FCGRT: variants seen among roughly 807,000 people sequenced by gnomAD.
The protein encoded by FCGRT is Fc gamma receptor and transporter.
A neutral mutation model predicts 35.7 loss-of-function variants in FCGRT; 13 were observed. The observed-to-expected ratio is 0.36, with a 90% confidence interval of 0.24 to 0.58. The LOEUF (loss-of-function observed/expected upper bound fraction) is 0.58, where lower values mean the gene tolerates loss of function less well. FCGRT is among the 20% of genes least tolerant of loss of function. The pLI is 0.77. For synonymous variants in FCGRT, 233 were observed against 216.5 expected, an observed-to-expected ratio of 1.08 and a Z score of -0.67; for missense variants, 455 against 474.9, an observed-to-expected ratio of 0.96 and a Z score of 0.39.
chr19:49,522,797 A>T (rs1300871919), intron 4 of FCGRT, among the ~76,000 whole-genome samples: 34 of 40,972 alleles, frequency 8.3e-4, no homozygotes, highest in South Asian at 2.6e-3. Context: ...TTTTTTTTTG[A>T]GATGGAGTCT....
intron 4 of FCGRT, 72 bp downstream of exon 4, chr19:49,514,558 C>T (rs2079995648): frequency 7.2e-7 from 1 of 1,395,128 alleles, no homozygotes; most frequent in South Asian, 1.5e-5. Flanking sequence ...AGTTCCCCTG[C>T]CAGGACCCTC....
intron 5 of FCGRT, chr19:49,525,059 CTGCTG>C: frequency 1.7e-6 from 1 of 597,246 alleles, no homozygotes; most frequent in Non-Finnish European, 3.1e-6. Context: ...CCTGCTGCTG[CTGCTG>C]CTGCTGCTGC....
At chr19:49,513,764 T>G in intron 2 of FCGRT, 118 bp from the exon 3 acceptor site, 1 of 184,128 alleles carries the variant, frequency 5.4e-6, no homozygotes, top group Non-Finnish European at 9.4e-6. Context: ...TTCTGTCCCC[T>G]CTCTCTGAAT....
chr19:49,512,824 T>TG (rs924789509), intron 1 of FCGRT, 74 bp downstream of exon 1: 2 of 81,498 alleles, frequency 2.5e-5, no homozygotes, highest in Non-Finnish European at 4.9e-5. Flanking sequence ...GAGGAGTGGC[T>TG]GGGGGTCTCG....
chr19:49,522,693 A>C (rs1215225260), intron 4 of FCGRT, among the ~76,000 whole-genome samples: 1 of 150,400 alleles, frequency 6.6e-6, no homozygotes, highest in African/African-American at 2.4e-5. Flanking sequence ...CCACCCCCCA[A>C]AGCGCCAGGA....
intron 5 of FCGRT, 152 bp downstream of exon 5, chr19:49,524,928 C>G: frequency 1.2e-6 from 1 of 803,448 alleles, no homozygotes; most frequent in Admixed American, 2.0e-5. Context: ...GCCCCCAAAA[C>G]CTGATGGCTT....
intron 4 of FCGRT, among the ~76,000 whole-genome samples, chr19:49,523,618 T>C (rs2080055046): frequency 6.6e-6 from 1 of 151,468 alleles, no homozygotes; most frequent in Admixed American, 6.6e-5. Flanking sequence ...CCCAACACTT[T>C]GGGAGGCCCA....
intron 6 of FCGRT, among the ~76,000 whole-genome samples, chr19:49,525,793 T>G (rs1366351568): frequency 1.5e-4 from 17 of 114,100 alleles, no homozygotes; most frequent in Admixed American, 2.9e-4. Context: ...CAGAGAGAGG[T>G]GCGGACAGAG....
At chr19:49,517,912 T>TG (rs1601191550) in intron 4 of FCGRT, among the ~76,000 whole-genome samples, 1 of 152,044 alleles carries the variant, frequency 6.6e-6, no homozygotes, top group Non-Finnish European at 1.5e-5. Context: ...AGGCTGGTCT[T>TG]GAACTCCTGA....
At chr19:49,522,632 C>T (rs1164297300) in intron 4 of FCGRT, among the ~76,000 whole-genome samples, 1 of 151,102 alleles carries the variant, frequency 6.6e-6, no homozygotes, top group Non-Finnish European at 1.5e-5. Flanking sequence ...TGGGATTTCA[C>T]CATGTTGGTC....
In FCGRT at chr19:49,514,453, C is replaced by G; in HGVS notation, c.568C>G (p.Leu190Val). 6.4e-7 allele frequency: 1 copy of G among 1,566,964 alleles called. No individual in the cohort carries two copies. Among genetic ancestry groups the G allele is most frequent in the African/African-American group, 1.3e-5 (1 of 74,144 alleles). Reference protein sequence around the residue: ...FSCPHRLREHLERGRGNLEWK... With the variant: ...FSCPHRLREHVERGRGNLEWK... Reference sequence around the variant, plus strand: ...CTGCCCGCACCGCCTGCGGGAGCACCTGGAGAGGGGCCGCGGAAACCTGGA... The same window carrying G: ...CTGCCCGCACCGCCTGCGGGAGCACGTGGAGAGGGGCCGCGGAAACCTGGA... The change falls in exon 4 of 7, where the codon CTG (leucine) becomes GTG (valine). Residue 190 changes from leucine to valine, a missense_variant. Around this residue, in one of 3 missense-constraint regions of FCGRT, gnomAD observed 312 missense variants for 296.1 expected, o/e 1.05. Coordinates refer to ENST00000221466, the MANE Select transcript of FCGRT (RefSeq NM_001136019.3).
At chr19:49,524,834 C>T (rs1469023268) in intron 5 of FCGRT, 58 bp downstream of exon 5, 10 of 1,509,982 alleles carry the variant, frequency 6.6e-6, no homozygotes, top group African/African-American at 2.7e-5. Context: ...CTCACTGCTG[C>T]GCCGGTCCTT....
intron 4 of FCGRT, 54 bp from the exon 5 acceptor site, chr19:49,524,453 G>A (rs567746036): frequency 6.0e-5 from 94 of 1,568,172 alleles, no homozygotes; most frequent in Admixed American, 3.5e-4. Flanking sequence ...ATCCAGCCCT[G>A]GCTCTGGGAG....
rs754165228 is a variant in FCGRT at position 49,526,138 on chromosome 19, G to C, written c.*19G>C. 2.0e-6 allele frequency: 3 copies of C among 1,514,594 alleles called. No individual in the cohort carries two copies. The East Asian group carries it at 6.8e-5, about 34-fold the overall frequency. The allele number at this position is 1,514,594 out of a possible 1,614,324, so 93.8% of individuals were successfully genotyped here. On this transcript the variant is annotated 3_prime_UTR_variant, in exon 7 of 7. Transcript: ENST00000221466. ...CGCCTGACCATCCGCCATTCCGACT[G>C]CTAAAAGCGAATGTAGTCAGGCCCC...
chr19:49,514,997 CTTT>C (rs1176536865), intron 4 of FCGRT, among the ~76,000 whole-genome samples: 2 of 141,408 alleles, frequency 1.4e-5, no homozygotes, highest in Admixed American at 7.1e-5. Context: ...TGGCTCCCCC[CTTT>C]TTTTTTTTTT....
At chr19:49,524,392 G>A (rs1249660798) in intron 4 of FCGRT, 115 bp from the exon 5 acceptor site, 1 of 1,173,758 alleles carries the variant, frequency 8.5e-7, no homozygotes, top group East Asian at 2.4e-5. Context: ...TTTTACCACT[G>A]TATTATCTGC....
intron 4 of FCGRT, chr19:49,516,253 T>G (rs1163093118): frequency 7.1e-6 from 3 of 422,428 alleles, no homozygotes; most frequent in Admixed American, 5.7e-5. Flanking sequence ...AATTTCTTTC[T>G]TTTTTTGAGA....
chr19:49,516,881 C>T (rs2080010816), intron 4 of FCGRT, among the ~76,000 whole-genome samples: 1 of 151,522 alleles, frequency 6.6e-6, no homozygotes, highest in Admixed American at 6.6e-5. Context: ...TCAAACCACA[C>T]TTAAGTAGAA....
Position 49,514,152 on chromosome 19 carries a change from G to A in FCGRT, c.325+19G>A. 1.2e-6 allele frequency: 2 copies of A among 1,612,532 alleles called. No individual in the cohort carries two copies. Among genetic ancestry groups the A allele is most frequent in the South Asian group, 1.1e-5 (1 of 91,012 alleles). On this transcript the variant is annotated intron_variant, in intron 3 of 6. Coordinates refer to ENST00000221466, the MANE Select transcript of FCGRT (RefSeq NM_001136019.3). ...GGAAAAGGTGAGATTCCGGTCTGGA[G>A]GGGCAAGGGGCCGGGTCCATGCTCC...
Sources: gnomAD v4.1 joint callset for allele counts (sites outside exome capture counted in the v4.1 genomes callset) on GRCh38, gnomAD v4.1.1 for gene constraint, gnomAD v4.1.1 regional missense constraint, MANE v1.5 for transcripts, NCBI Gene and HGNC (gene_info 2026-07-23, HGNC 2026-07-21) for gene names.